Variants in NEK11 observed in about 807,000 individuals in gnomAD.
The protein encoded by NEK11 is serine/threonine-protein kinase Nek11.
NEK11 carries 72 observed loss-of-function variants against 80.7 expected under a neutral mutation model. The observed-to-expected ratio is 0.89, with a 90% CI of 0.74 to 1.08. The LOEUF is 1.08. Ranked by LOEUF, NEK11 falls within the 50% of genes least tolerant of loss-of-function variation. The pLI, the probability that NEK11 is intolerant of heterozygous loss-of-function variation, is 0.00. For missense variants in NEK11, 764 were observed against 763.6 expected, an observed-to-expected ratio of 1.00 and a Z score of -0.01; for synonymous variants, 251 against 260.7, an observed-to-expected ratio of 0.96 and a Z score of 0.36.
chr3:131,097,581 T>A (rs2077635757), intron 4 of NEK11, among the ~76,000 whole-genome samples: 1 of 152,204 alleles, frequency 6.6e-6, no homozygotes, highest in South Asian at 2.1e-4. Flanking sequence ...TTGATGGGGT[T>A]GTTTGTTTTT....
At position 131,349,604 on chromosome 3, in the gene NEK11, A is replaced by G; in HGVS notation, c.1766A>G (p.Asn589Ser). Residue 589 changes from asparagine (N) to serine (S), a missense_variant, in exon 18 of 18, where the codon AAT becomes AGT. Physicochemically the swap from Asn to Ser is conservative, Grantham distance 46. Coordinates refer to ENST00000383366, the MANE Select transcript of NEK11 (RefSeq NM_024800.5). ...ACAGAAGTATTTGAAGAGGTCTATA[A>G]TTACCTCAAGAGAGCAAGGCATCAG... ...LGTEVFEEVY[N>S]YLKRARHQNA... 6.2e-7 allele frequency: 1 copy of G among 1,614,176 alleles called. No individual in the cohort carries two copies. Among genetic ancestry groups the G allele is most frequent in the Non-Finnish European group, 8.5e-7 (1 of 1,180,034 alleles).
chr3:131,220,569 C>T (rs2094986268), intron 14 of NEK11, among the ~76,000 whole-genome samples: 1 of 152,130 alleles, frequency 6.6e-6, no homozygotes, highest in South Asian at 2.1e-4. Context: ...TTATAATAGC[C>T]TTGTTCAGTA....
chr3:131,166,144 C>T (rs987500645), intron 12 of NEK11, among the ~76,000 whole-genome samples: 4 of 152,320 alleles, frequency 2.6e-5, no homozygotes, highest in South Asian at 4.1e-4. Flanking sequence ...GTCTTTACAA[C>T]GTCAAATTTG....
intron 3 of NEK11, among the ~76,000 whole-genome samples, chr3:131,031,984 C>T (rs1269710095): frequency 4.8e-5 from 7 of 146,852 alleles, no homozygotes; most frequent in African/African-American, 7.6e-5. Context: ...TTTTTTGAGG[C>T]GGAGTCTCAC....
chr3:131,278,137 A>G (rs2096331307), intron 17 of NEK11, among the ~76,000 whole-genome samples: 2 of 152,210 alleles, frequency 1.3e-5, no homozygotes, highest in African/African-American at 4.8e-5. Context: ...AGAAAATGCC[A>G]TGAAGTTGTT....
At chr3:131,041,353 G>A (rs964676870) in intron 3 of NEK11, among the ~76,000 whole-genome samples, 1 of 152,184 alleles carries the variant, frequency 6.6e-6, no homozygotes, top group Admixed American at 6.5e-5. Flanking sequence ...ATCTGAAATT[G>A]CATTTTAAGT....
intron 9 of NEK11, chr3:131,154,738 A>G (rs1217239910): frequency 4.9e-5 from 15 of 304,132 alleles, no homozygotes; most frequent in East Asian, 2.3e-4. Flanking sequence ...GGGAGGTTGG[A>G]AAAAGCTTGT....
intron 17 of NEK11, among the ~76,000 whole-genome samples, chr3:131,297,685 A>G (rs1581575180): frequency 6.6e-6 from 1 of 151,746 alleles, no homozygotes. Flanking sequence ...CCATTTGTCA[A>G]TTTTGGCTTT....
At chr3:131,120,781 G>A (rs1483496968) in intron 5 of NEK11, among the ~76,000 whole-genome samples, 1 of 152,124 alleles carries the variant, frequency 6.6e-6, no homozygotes, top group African/African-American at 2.4e-5. Flanking sequence ...AGCTACTGAA[G>A]CTTGTGCATG....
intron 17 of NEK11, among the ~76,000 whole-genome samples, chr3:131,347,018 T>C (rs556091643): frequency 1.3e-5 from 2 of 152,226 alleles, no homozygotes; most frequent in East Asian, 3.9e-4. Context: ...AATCAGTGTA[T>C]GAAGAGAATG....
chr3:131,069,746 A>C (rs2072880646), intron 3 of NEK11, among the ~76,000 whole-genome samples: 1 of 150,930 alleles, frequency 6.6e-6, no homozygotes, highest in Non-Finnish European at 1.5e-5. Context: ...TAAACACCGC[A>C]TATTCTCACT....
intron 17 of NEK11, among the ~76,000 whole-genome samples, chr3:131,295,274 A>C (rs983963702): frequency 6.6e-6 from 1 of 151,830 alleles, no homozygotes; most frequent in Non-Finnish European, 1.5e-5. Flanking sequence ...GCTTAGGACC[A>C]GAAGTTGTTT....
intron 15 of NEK11, among the ~76,000 whole-genome samples, chr3:131,238,193 C>T (rs2095464367): frequency 6.6e-6 from 1 of 152,160 alleles, no homozygotes; most frequent in South Asian, 2.1e-4. Context: ...CTCTGACCAC[C>T]TTATATGAAA....
intron 16 of NEK11, among the ~76,000 whole-genome samples, chr3:131,245,333 T>C (rs2095583839): frequency 1.5e-5 from 2 of 135,580 alleles, no homozygotes; most frequent in South Asian, 4.3e-4. Context: ...GTGTGTACTG[T>C]TATCCAATCG....
intron 14 of NEK11, chr3:131,174,880 G>T: frequency 6.6e-7 from 1 of 1,520,430 alleles, no homozygotes; most frequent in Non-Finnish European, 8.8e-7. Flanking sequence ...CAGATGTGGA[G>T]AATGCAGTGA....
intron 17 of NEK11, among the ~76,000 whole-genome samples, chr3:131,316,098 T>C (rs1415466653): frequency 1.3e-5 from 2 of 152,168 alleles, no homozygotes; most frequent in Non-Finnish European, 1.5e-5. Flanking sequence ...AGTAGTTCTG[T>C]GGTTACTATA....
intron 14 of NEK11, among the ~76,000 whole-genome samples, chr3:131,199,270 C>G (rs1019194240): frequency 4.6e-4 from 69 of 151,518 alleles, no homozygotes; most frequent in Admixed American, 2.3e-3. Context: ...AAAAGAAAAC[C>G]CAACAGAAAA....
At chr3:131,100,709 C>A (rs375736328) in intron 4 of NEK11, among the ~76,000 whole-genome samples, 9 of 152,044 alleles carry the variant, frequency 5.9e-5, no homozygotes. Context: ...TCTCCTTTTT[C>A]GTTGCATCTT....
At chr3:131,330,219 G>T (rs552001648) in intron 17 of NEK11, 7 of 152,318 alleles carry the variant, frequency 4.6e-5, no homozygotes, top group African/African-American at 7.2e-5. Context: ...ACCTGAAAAG[G>T]AACTGAGATA....
Sources: allele counts gnomAD v4.1 joint callset (sites outside exome capture counted in the v4.1 genomes callset), GRCh38; gene constraint gnomAD v4.1.1; transcripts MANE v1.5; gene names NCBI Gene and HGNC (gene_info 2026-07-23, HGNC 2026-07-21).